ARFGEF2: variants seen among roughly 807,000 people sequenced by gnomAD.
The protein encoded by ARFGEF2 is brefeldin A-inhibited guanine nucleotide-exchange protein 2.
ARFGEF2 carries 74 observed loss-of-function variants against 219.9 expected under a neutral mutation model. The ratio of observed to expected loss-of-function variants is 0.34; its 90% CI spans 0.28 to 0.41. The LOEUF is 0.41. Ranked by LOEUF, ARFGEF2 falls within the 10% of genes least tolerant of loss-of-function variation. The probability of loss-of-function intolerance (pLI) is 1.00; values close to 1 mark genes in which losing one functional copy is unlikely to be tolerated. For missense variants in ARFGEF2, 1,743 were observed against 2,218.3 expected (o/e 0.79, Z 4.30); for synonymous variants, 733 against 799.2 (o/e 0.92, Z 1.40).
In ARFGEF2 at chr20:48,953,557, T is replaced by G. The variant is rs141147462; in HGVS notation, c.605T>G (p.Leu202Trp). The change falls in exon 6 of 39, where the codon TTG becomes TGG. Residue 202 changes from leucine to tryptophan, a missense_variant and splice_region_variant. By Grantham distance (61) the Leu-to-Trp change is moderately conservative. Around this residue, in one of 5 missense-constraint regions of ARFGEF2, gnomAD observed 394 missense variants for 426.6 expected, o/e 0.92. Coordinates refer to ENST00000371917, the MANE Select transcript of ARFGEF2 (RefSeq NM_006420.3). Reference sequence around the variant, plus strand: ...TATCCCCCTTTTGTTGCCTTTTAGTTGCAGGAGGCCAGAGAACTGGAAAAA... The same window carrying G: ...TATCCCCCTTTTGTTGCCTTTTAGTGGCAGGAGGCCAGAGAACTGGAAAAA... ...VIFTRMENQV[L>W]QEARELEKPI... 1.2e-6 allele frequency: 2 copies of G among 1,613,938 alleles called. No homozygotes were observed. The highest frequency in any genetic ancestry group is 2.7e-5 in the African/African-American group (2 of 74,892).
Position 48,994,604 on chromosome 20 carries a change from A to G in ARFGEF2, c.3121+6A>G. 1 of 1,613,398 alleles carries G rather than the reference A, an allele frequency of 6.2e-7. No individual in the cohort carries two copies. Among genetic ancestry groups the G allele is most frequent in the Non-Finnish European group, 8.5e-7 (1 of 1,179,992 alleles). On this transcript the variant is annotated splice_donor_region_variant and intron_variant, in intron 22 of 38. Coordinates refer to ENST00000371917, the MANE Select transcript of ARFGEF2 (RefSeq NM_006420.3). ...GTTCATGGGCCTTGGCCTCGGTAAG[A>G]CACCAGGCCCCACAGCTAACAGTCA...
intron 3 of ARFGEF2, 65 bp downstream of exon 3, chr20:48,942,052 G>T (rs1338316325): frequency 6.2e-7 from 1 of 1,604,224 alleles, no homozygotes. Flanking sequence ...TCCTTACACA[G>T]AACTATGCTG....
intron 3 of ARFGEF2, 72 bp downstream of exon 3, chr20:48,942,059 G>T (rs2123318884): frequency 1.3e-6 from 2 of 1,595,444 alleles, no homozygotes; most frequent in Non-Finnish European, 1.7e-6. Context: ...ACAGAACTAT[G>T]CTGGGGACCA....
chr20:49,016,545 C>A, intron 31 of ARFGEF2, 130 bp downstream of exon 31: 1 of 1,048,910 alleles, frequency 9.5e-7, no homozygotes, highest in Non-Finnish European at 1.4e-6. Flanking sequence ...GAAATGTATA[C>A]GTTTTAATTA....
intron 34 of ARFGEF2, 66 bp from the exon 35 acceptor site, chr20:49,022,985 C>T: frequency 6.3e-7 from 1 of 1,599,032 alleles, no homozygotes; most frequent in Non-Finnish European, 8.6e-7. Flanking sequence ...ATAGTAGGAG[C>T]TCAGTGGATA....
At chr20:49,031,887 C>T (rs780481145) in intron 37 of ARFGEF2, among the ~76,000 whole-genome samples, 162 bp from the exon 38 acceptor site, 1 of 151,392 alleles carries the variant, frequency 6.6e-6, no homozygotes, top group Non-Finnish European at 1.5e-5. Flanking sequence ...CACTGCACTC[C>T]AGCCTGGGCC....
intron 12 of ARFGEF2, among the ~76,000 whole-genome samples, chr20:48,973,943 T>A (rs1056424717): frequency 6.6e-6 from 1 of 152,140 alleles, no homozygotes; most frequent in African/African-American, 2.4e-5. Context: ...GAATGCTGTT[T>A]ATTTTTGAAA....
chr20:49,024,975 G>A (rs938531690), intron 35 of ARFGEF2, among the ~76,000 whole-genome samples: 2 of 152,090 alleles, frequency 1.3e-5, no homozygotes, highest in African/African-American at 2.4e-5. Context: ...CAGCCTGGGC[G>A]ACAGAAACTC....
At chr20:48,958,522 C>T (rs571810146) in intron 6 of ARFGEF2, among the ~76,000 whole-genome samples, 14 of 151,898 alleles carry the variant, frequency 9.2e-5, no homozygotes, top group African/African-American at 2.4e-4. Context: ...CTGCAAGCTC[C>T]GCCTCCTGGG....
chr20:48,971,020 A>C, intron 9 of ARFGEF2, 100 bp from the exon 10 acceptor site: 2 of 983,744 alleles, frequency 2.0e-6, no homozygotes, highest in South Asian at 2.7e-5. Context: ...TAATTCTTTA[A>C]AATTCTACTC....
chr20:49,032,036 C>G lies in ARFGEF2; in HGVS notation c.5064-13C>G. 1 of 1,586,094 alleles carries G rather than the reference C, an allele frequency of 6.3e-7. No homozygotes were observed. On this transcript the variant is annotated splice_polypyrimidine_tract_variant and intron_variant, in intron 37 of 38. Transcript: ENST00000371917. ...AATTGTTTGATATGCCTCCCCCTCT[C>G]TAATTCTTCTAGTGTTTGCAGTGAA...
intron 23 of ARFGEF2, among the ~76,000 whole-genome samples, chr20:48,997,606 G>A (rs1403912459): frequency 6.6e-6 from 1 of 152,064 alleles, no homozygotes; most frequent in Non-Finnish European, 1.5e-5. Flanking sequence ...TTTCTCTTCT[G>A]CTCACTATAG....
rs376568632 is a variant in ARFGEF2, at chr20:48,985,623, G to A, written c.2276+10G>A. 4.3e-5 allele frequency: 69 copies of A among 1,613,634 alleles called. No homozygotes were observed. The highest frequency in any genetic ancestry group is 1.6e-4 in the African/African-American group (12 of 75,058). On this transcript the variant is annotated intron_variant, in intron 16 of 38. Coordinates refer to ENST00000371917, the MANE Select transcript of ARFGEF2 (RefSeq NM_006420.3). Reference sequence around the variant, plus strand: ...TAGAATGCAACCAAGGGTGAGCGCCGATTTTGAGTCCCTTCCAGATCATCT... The same window carrying A: ...TAGAATGCAACCAAGGGTGAGCGCCAATTTTGAGTCCCTTCCAGATCATCT...
intron 6 of ARFGEF2, among the ~76,000 whole-genome samples, chr20:48,959,182 C>T (rs940610939): frequency 6.6e-5 from 10 of 152,096 alleles, no homozygotes; most frequent in African/African-American, 1.7e-4. Context: ...GAGGCTGTAG[C>T]TTCTTTGATA....
chr20:48,921,860 GGGGCCGTCA>G lies in ARFGEF2; in HGVS notation c.-28_-20del. The G allele has an allele frequency of 6.7e-7, 1 of 1,503,532 alleles. No individual in the cohort carries two copies. Among genetic ancestry groups the G allele is most frequent in the Admixed American group, 2.1e-5 (1 of 46,700 alleles). 93.1% of individuals were successfully genotyped at this position (1,503,532 alleles called of 1,614,324 possible). On this transcript the variant is annotated 5_prime_UTR_variant, in exon 1 of 39. Transcript: ENST00000371917. Reference sequence around the variant, plus strand: ...CATCTCGCTCACGCCGCCCGCCCGCGGGGCCGTCAGCCCCCGCCGGGCCGGGGCCATGCA... The same window carrying G: ...CATCTCGCTCACGCCGCCCGCCCGCGGCCCCCGCCGGGCCGGGGCCATGCA...
intron 3 of ARFGEF2, among the ~76,000 whole-genome samples, chr20:48,950,794 TAAAAA>T (rs1308938052): frequency 8.4e-5 from 3 of 35,924 alleles, no homozygotes; most frequent in African/African-American, 1.6e-4. Context: ...AGACCCTGTC[TAAAAA>T]AAAAAAAAAA....
At chr20:48,983,883 G>A (rs567625002) in intron 14 of ARFGEF2, among the ~76,000 whole-genome samples, 2 of 152,128 alleles carry the variant, frequency 1.3e-5, no homozygotes, top group East Asian at 1.9e-4. Flanking sequence ...AATAAGTTGA[G>A]TCTATACATT....
chr20:48,948,908 C>T (rs994037145), intron 3 of ARFGEF2, among the ~76,000 whole-genome samples: 2 of 152,376 alleles, frequency 1.3e-5, no homozygotes, highest in African/African-American at 4.8e-5. Context: ...CTACAAGTCA[C>T]ACACAGCCCT....
intron 31 of ARFGEF2, 92 bp downstream of exon 31, chr20:49,016,507 A>G: frequency 1.5e-6 from 2 of 1,362,078 alleles, no homozygotes; most frequent in South Asian, 1.2e-5. Flanking sequence ...ATGTAGTGCC[A>G]TGGAGTACAA....
Sources: allele counts gnomAD v4.1 joint callset (sites outside exome capture counted in the v4.1 genomes callset), GRCh38; gene constraint gnomAD v4.1.1; regional missense constraint gnomAD v4.1.1; transcripts MANE v1.5; gene names NCBI Gene and HGNC (gene_info 2026-07-23, HGNC 2026-07-21).